Variants in TNRC6C observed in about 807,000 individuals in gnomAD.
The protein encoded by TNRC6C is trinucleotide repeat containing adaptor 6C.
Under a neutral mutation model 153.7 loss-of-function variants are expected in TNRC6C, and 20 were observed. The observed-to-expected ratio is 0.13, with a 90% CI of 0.09 to 0.19. The LOEUF (loss-of-function observed/expected upper bound fraction) is 0.19, where lower values mean the gene tolerates loss of function less well. TNRC6C is among the 10% of genes least tolerant of loss of function. The pLI is 1.00. For missense variants in TNRC6C, 1,987 were observed against 2,172.0 expected, an observed-to-expected ratio of 0.91 and a Z score of 1.69; for synonymous variants, 811 against 841.4, an observed-to-expected ratio of 0.96 and a Z score of 0.63.
At chr17:77,961,548 C>A (rs2070862983) in intron 1 of TNRC6C, among the ~76,000 whole-genome samples, 1 of 152,166 alleles carries the variant, frequency 6.6e-6, no homozygotes, top group African/African-American at 2.4e-5. Flanking sequence ...CGGATTCTGC[C>A]ATTTAAATAT....
At chr17:78,078,538 T>G (rs2073122959) in intron 9 of TNRC6C, among the ~76,000 whole-genome samples, 1 of 152,250 alleles carries the variant, frequency 6.6e-6, no homozygotes, top group Non-Finnish European at 1.5e-5. Flanking sequence ...ACCCTTTAAT[T>G]TTTATCACAT....
At chr17:77,959,671 G>A (rs943122114) in intron 1 of TNRC6C, among the ~76,000 whole-genome samples, 19 of 152,108 alleles carry the variant, frequency 1.2e-4, no homozygotes, top group African/African-American at 3.4e-4. Context: ...CCGTTGTTTG[G>A]GGGAAGAGAA....
At chr17:78,098,196 A>T in intron 16 of TNRC6C, 147 bp from the exon 20 acceptor site, 1 of 823,286 alleles carries the variant, frequency 1.2e-6, no homozygotes, top group Non-Finnish European at 1.8e-6. Flanking sequence ...TGGTTACTTG[A>T]GTTTGCCAGG....
intron 1 of TNRC6C, among the ~76,000 whole-genome samples, chr17:77,991,059 G>A (rs1026874339): frequency 4.6e-5 from 7 of 152,106 alleles, no homozygotes; most frequent in South Asian, 2.1e-4. Context: ...ATAAAAGTTC[G>A]TATTTTATAA....
rs528328688 is a variant in TNRC6C at position 78,018,465 on chromosome 17, A to G, written c.-545-13051A>G. ...TTTTTATATAATACTCAGTATTCAC[A>G]GTGCCTGGCACAGAATAGGAACCCA... On this transcript the variant is annotated intron_variant, in intron 1 of 19. Coordinates refer to ENST00000301624, the Ensembl canonical transcript of TNRC6C. Among the ~76,000 whole-genome samples, 63 of 152,268 alleles carry G rather than the reference A, an allele frequency of 4.1e-4. 1 individual carries two copies. In the South Asian group the frequency reaches 0.013, roughly 32 times the overall value.
intron 1 of TNRC6C, among the ~76,000 whole-genome samples, chr17:78,007,888 G>A (rs1270196074): frequency 1.3e-5 from 2 of 152,146 alleles, no homozygotes; most frequent in Admixed American, 6.5e-5. Flanking sequence ...AGTAGCATTC[G>A]TAAAGCCATG....
At chr17:77,974,486 C>A (rs74547261) in intron 1 of TNRC6C, among the ~76,000 whole-genome samples, 2 of 151,708 alleles carry the variant, frequency 1.3e-5, no homozygotes, top group African/African-American at 4.8e-5. Flanking sequence ...ACCCCCGCCC[C>A]GCCCCAAAAA....
At chr17:78,026,208 TCA>T (rs1282749257) in intron 1 of TNRC6C, among the ~76,000 whole-genome samples, 3 of 152,202 alleles carry the variant, frequency 2.0e-5, no homozygotes, top group Non-Finnish European at 4.4e-5. Flanking sequence ...CTCACTGTTG[TCA>T]AACACTATGC....
chr17:78,083,289 G>C, intron 11 of TNRC6C, 123 bp downstream of exon 13: 1 of 1,344,548 alleles, frequency 7.4e-7, no homozygotes, highest in Non-Finnish European at 1.0e-6. Flanking sequence ...AGACTCTCAT[G>C]AAGTATTTAA....
intron 3 of TNRC6C, among the ~76,000 whole-genome samples, chr17:78,055,711 A>G (rs2072640004): frequency 6.6e-6 from 1 of 152,172 alleles, no homozygotes; most frequent in South Asian, 2.1e-4. Flanking sequence ...AGAGGGCCCT[A>G]TGCCTGGCAC....
chr17:78,104,959 C>T lies in TNRC6C; in HGVS notation c.*114C>T. ...CGGCCGCCCTTTTGAGTACCTCTGT[C>T]CAGGACTGAAGACGAACCTTGGCCG... On this transcript the variant is annotated 3_prime_UTR_variant, in exon 20 of 20. Coordinates refer to ENST00000301624, the Ensembl canonical transcript of TNRC6C. This position sits in a 1 kb window ranked among gnomAD's most constrained non-coding sequence, Gnocchi z 6.2. The T allele has an allele frequency of 7.6e-7, 1 of 1,312,112 alleles. No individual in the cohort carries two copies. 81.3% of individuals were successfully genotyped at this position (1,312,112 alleles called of 1,614,324 possible).
Position 78,050,531 on chromosome 17 carries a change from G to C in TNRC6C, c.1469G>C (p.Gly490Ala), listed in dbSNP as rs146017016. The change falls in exon 3 of 20, where the codon GGG (glycine) becomes GCG (alanine). Residue 490 changes from glycine (G) to alanine (A), a missense_variant. Gly to Ala is a moderately conservative substitution (Grantham distance 60, BLOSUM62 0). Coordinates refer to ENST00000301624, the Ensembl canonical transcript of TNRC6C. ...GCAGCTACTCAGGCTTCAAACTCAG[G>C]GGGGAAGAACGATGGGTCCATCATG... 7.5e-5 allele frequency: 121 copies of C among 1,613,872 alleles called. No individual in the cohort carries two copies. The East Asian group carries it at 2.0e-3, about 27-fold the overall frequency.
chr17:77,959,025 C>A (rs935663237), upstream of TNRC6C, among the ~76,000 whole-genome samples: 2 of 144,120 alleles, frequency 1.4e-5, no homozygotes, highest in African/African-American at 2.5e-5. Context: ...GAGGACGCGT[C>A]GCGGCGTTGC....
rs200187152 is a variant in TNRC6C at position 78,092,999 on chromosome 17, G to A, written c.4037G>A (p.Arg1346Gln). The A allele has an allele frequency of 2.9e-5, 47 of 1,613,796 alleles. No individual in the cohort carries two copies. The highest frequency in any genetic ancestry group is 3.3e-4 in the Middle Eastern group (2 of 5,992). Residue 1346 changes from arginine (R) to glutamine (Q), a missense_variant, in exon 15 of 20, where the codon CGG becomes CAG. By Grantham distance (43) the Arg-to-Gln change is conservative. Coordinates refer to ENST00000301624, the Ensembl canonical transcript of TNRC6C. ...TCCTCCATTGATGACTCCTATGGCC[G>A]GTACGATTTAATCCAGAACAGTGAG...
chr17:77,970,575 G>C (rs2144059154), intron 1 of TNRC6C, among the ~76,000 whole-genome samples: 1 of 152,308 alleles, frequency 6.6e-6, no homozygotes, highest in East Asian at 1.9e-4. Context: ...TATAGACCAA[G>C]CTTGCCCAAC....
chr17:77,983,023 A>G (rs2071103306), intron 1 of TNRC6C, among the ~76,000 whole-genome samples: 1 of 152,222 alleles, frequency 6.6e-6, no homozygotes, highest in South Asian at 2.1e-4. Flanking sequence ...CCAAAAGGAC[A>G]AAAAGATAGA....
chr17:78,023,398 T>C (rs1342934866), intron 1 of TNRC6C, among the ~76,000 whole-genome samples: 2 of 152,212 alleles, frequency 1.3e-5, no homozygotes, highest in Non-Finnish European at 2.9e-5. Flanking sequence ...TCTTTTTTTA[T>C]TCCTTCCTTC....
At chr17:78,067,971 C>A in intron 5 of TNRC6C, 48 bp downstream of exon 7, 2 of 1,547,452 alleles carry the variant, frequency 1.3e-6, no homozygotes, top group East Asian at 2.3e-5. Flanking sequence ...ACCAAAGGTA[C>A]TTCAGACACA....
rs533614830 is a variant in TNRC6C at position 78,023,396 on chromosome 17, T to A, written c.-545-8120T>A. ...TAGCTTGCTAATAGTTCTCTTTTTT[T>A]ATTCCTTCCTTCTCCTGCTCCTCCT... On this transcript the variant is annotated intron_variant, in intron 1 of 19. Transcript: ENST00000301624. 1.8e-4 allele frequency among the ~76,000 whole-genome samples: 27 copies of A among 152,364 alleles called. No individual in the cohort carries two copies. In the East Asian group the frequency reaches 4.8e-3, roughly 27 times the overall value.
Sources: gnomAD v4.1 joint callset for allele counts (sites outside exome capture counted in the v4.1 genomes callset) on GRCh38, gnomAD v4.1.1 for gene constraint, Gnocchi (gnomAD v3.1) non-coding constraint, MANE v1.5 for transcripts, NCBI Gene and HGNC (gene_info 2026-07-23, HGNC 2026-07-21) for gene names.